ARHGEF26: variants seen among roughly 807,000 people sequenced by gnomAD.
ARHGEF26 encodes the protein Rho guanine nucleotide exchange factor 26.
A neutral mutation model predicts 89.4 loss-of-function variants in ARHGEF26; 59 were observed. That is an observed-to-expected ratio of 0.66 (90% CI 0.54 to 0.82). The LOEUF is 0.82. Ranked by LOEUF, ARHGEF26 falls within the 40% of genes least tolerant of loss-of-function variation. The probability of loss-of-function intolerance (pLI) is 0.00; values close to 1 mark genes in which losing one functional copy is unlikely to be tolerated. For missense variants in ARHGEF26, 1,234 were observed against 1,085.6 expected (o/e 1.14, Z -1.92); for synonymous variants, 500 against 428.4 (o/e 1.17, Z -2.06).
chr3:154,121,023 A>C (rs1717852653), upstream of ARHGEF26: 1 of 152,192 alleles, frequency 6.6e-6, no homozygotes, highest in South Asian at 2.1e-4. Flanking sequence ...GCTACTGCCC[A>C]CGCATCTCAC....
chr3:154,130,376 A>G (rs940406588), intron 4 of ARHGEF26, among the ~76,000 whole-genome samples: 12 of 151,974 alleles, frequency 7.9e-5, no homozygotes, highest in Admixed American at 7.2e-4. Flanking sequence ...CCTGCCCTCT[A>G]GTGATCCGCC....
At chr3:154,196,886 G>T (rs1462424669) in intron 9 of ARHGEF26, among the ~76,000 whole-genome samples, 1 of 138,528 alleles carries the variant, frequency 7.2e-6, no homozygotes, top group African/African-American at 2.6e-5. Context: ...CTAAGAAATT[G>T]AAAAAAAAAA....
intron 12 of ARHGEF26, among the ~76,000 whole-genome samples, chr3:154,245,495 T>C (rs1003207724): frequency 3.3e-5 from 5 of 152,246 alleles, no homozygotes; most frequent in Non-Finnish European, 7.3e-5. Flanking sequence ...CCTGTGTTTT[T>C]CATACTTCCT....
intron 6 of ARHGEF26, among the ~76,000 whole-genome samples, chr3:154,164,992 A>C (rs1302961402): frequency 6.6e-6 from 1 of 152,168 alleles, no homozygotes; most frequent in Non-Finnish European, 1.5e-5. Context: ...GGCATTAAGG[A>C]TTTTTAGGAA....
At chr3:154,121,292 G>T (rs962328986), upstream of ARHGEF26, 1 of 152,202 alleles carries the variant, frequency 6.6e-6, no homozygotes, top group Non-Finnish European at 1.5e-5. Context: ...GCGGGGGCGG[G>T]AAGACAGCTT....
intron 10 of ARHGEF26, among the ~76,000 whole-genome samples, chr3:154,218,921 G>A (rs1314970867): frequency 1.3e-5 from 2 of 152,200 alleles, no homozygotes; most frequent in Admixed American, 6.5e-5. Flanking sequence ...AGGTCTAGAT[G>A]TCCTGACTTG....
intron 9 of ARHGEF26, among the ~76,000 whole-genome samples, chr3:154,205,484 A>G (rs437396): frequency 0.91 from 138,834 of 152,102 alleles, 63,609 homozygotes; most frequent in East Asian, 1. Flanking sequence ...TCTTTTGATT[A>G]GAGAGTTTAG....
chr3:154,210,673 G>A (rs1341371127), intron 9 of ARHGEF26, among the ~76,000 whole-genome samples: 1 of 151,616 alleles, frequency 6.6e-6, no homozygotes, highest in African/African-American at 2.4e-5. Flanking sequence ...CAGGCACAAT[G>A]GCTCACACCT....
Position 154,254,832 on chromosome 3 carries a change from G to T in ARHGEF26, c.2473+8G>T. The T allele has an allele frequency of 6.2e-7, 1 of 1,612,140 alleles. No homozygotes were observed. On this transcript the variant is annotated splice_region_variant and intron_variant, in intron 14 of 14. Transcript: ENST00000465093. ...ATCAACGTGTCAGCGATGGTGAGTG[G>T]GAGCGTTCTTATGGGACACTCGTGG... is the stretch of plus-strand genomic sequence containing the variant.
At chr3:154,237,538 T>TCACATACA (rs1553751367) in intron 11 of ARHGEF26, among the ~76,000 whole-genome samples, 2 of 143,202 alleles carry the variant, frequency 1.4e-5, no homozygotes, top group Non-Finnish European at 3.0e-5. Context: ...TGAGACTCCG[T>TCACATACA]CACACACACA....
At chr3:154,167,196 TC>T (rs779152692) in intron 6 of ARHGEF26, among the ~76,000 whole-genome samples, 4 of 152,184 alleles carry the variant, frequency 2.6e-5, no homozygotes, top group Non-Finnish European at 5.9e-5. Flanking sequence ...TACATCTGAT[TC>T]CTTGATAAAA....
chr3:154,190,587 AGGG>A (rs1332834899), intron 7 of ARHGEF26, among the ~76,000 whole-genome samples: 5 of 152,326 alleles, frequency 3.3e-5, no homozygotes, highest in Admixed American at 2.0e-4. Context: ...TTGGTGAGGT[AGGG>A]ACCTTTCTGC....
At chr3:154,129,192 G>A (rs529372960) in intron 3 of ARHGEF26, among the ~76,000 whole-genome samples, 90 of 152,222 alleles carry the variant, frequency 5.9e-4, no homozygotes, top group African/African-American at 2.0e-3. Context: ...CCCTTGGCAC[G>A]TCATAGATAC....
intron 6 of ARHGEF26, among the ~76,000 whole-genome samples, chr3:154,163,384 A>G (rs755057158): frequency 7.1e-4 from 108 of 152,326 alleles, no homozygotes; most frequent in Non-Finnish European, 1.2e-3. Context: ...ATTTGTTTAA[A>G]GTCATTCACC....
At chr3:154,157,130 A>G (rs1338651955) in intron 6 of ARHGEF26, among the ~76,000 whole-genome samples, 3 of 151,972 alleles carry the variant, frequency 2.0e-5, no homozygotes, top group Non-Finnish European at 4.4e-5. Context: ...GTACGTATGT[A>G]TCAGTAGTAT....
At chr3:154,247,777 T>G (rs1717889357) in intron 12 of ARHGEF26, among the ~76,000 whole-genome samples, 1 of 152,214 alleles carries the variant, frequency 6.6e-6, no homozygotes, top group African/African-American at 2.4e-5. Context: ...CAAATGTTTT[T>G]TAGGATGTAC....
intron 10 of ARHGEF26, among the ~76,000 whole-genome samples, chr3:154,220,294 CAT>C (rs1716047618): frequency 1.3e-5 from 2 of 152,152 alleles, no homozygotes; most frequent in South Asian, 4.1e-4. Flanking sequence ...TCCCTCCCCT[CAT>C]AGTCTAGTAG....
At chr3:154,199,877 A>C (rs966458363) in intron 9 of ARHGEF26, among the ~76,000 whole-genome samples, 7 of 152,058 alleles carry the variant, frequency 4.6e-5, no homozygotes, top group Non-Finnish European at 1.0e-4. Flanking sequence ...ATGTCTATTC[A>C]AATCTTTGCC....
intron 6 of ARHGEF26, among the ~76,000 whole-genome samples, chr3:154,177,055 TA>T (rs1388743180): frequency 1.3e-5 from 2 of 152,088 alleles, no homozygotes; most frequent in Non-Finnish European, 2.9e-5. Flanking sequence ...GAGAAATAAG[TA>T]AGGGATGCAT....
Sources: gnomAD v4.1 joint callset for allele counts (sites outside exome capture counted in the v4.1 genomes callset) on GRCh38, gnomAD v4.1.1 for gene constraint, MANE v1.5 for transcripts, NCBI Gene and HGNC (gene_info 2026-07-23, HGNC 2026-07-21) for gene names.